The following INTS2 variants were observed in gnomAD, a reference collection of about 807,000 sequenced individuals.
INTS2 encodes integrator complex subunit 2, also known as KIAA1287.
A neutral mutation model predicts 139.6 loss-of-function variants in INTS2; 57 were observed. The ratio of observed to expected loss-of-function variants is 0.41; its 90% CI spans 0.33 to 0.51. The LOEUF is 0.51. INTS2 is among the 20% of genes least tolerant of loss of function. INTS2 has a pLI of 0.28. For missense variants in INTS2, 1,196 were observed against 1,436.7 expected, an observed-to-expected ratio of 0.83 and a Z score of 2.71; for synonymous variants, 473 against 493.4, an observed-to-expected ratio of 0.96 and a Z score of 0.55.
chr17:61,884,212 C>T (rs748433163), intron 16 of INTS2, among the ~76,000 whole-genome samples: 2 of 151,932 alleles, frequency 1.3e-5, no homozygotes, highest in African/African-American at 2.4e-5. Flanking sequence ...CAGGGGAGGC[C>T]GGGCATGGTG....
In INTS2 at chr17:61,904,495, G is replaced by A; in HGVS notation, c.1272C>T (p.Ser424=). 1 of 1,611,706 alleles carries A rather than the reference G, an allele frequency of 6.2e-7. No individual in the cohort carries two copies. The highest frequency in any genetic ancestry group is 8.5e-7 in the Non-Finnish European group (1 of 1,178,324). Residue 424 remains serine, a synonymous_variant, in exon 9 of 25, where the codon TCC becomes TCT. Transcript: ENST00000251334. ...TPAGVRFVSL[S]FCMLLAFSTL... ...TAGAAAAGGCCAGTAGCATACAAAA[G>A]GAAAGTGAAACAAAGCGAACCCCAG...
chr17:61,914,567 G>A (rs986244918), intron 5 of INTS2, among the ~76,000 whole-genome samples: 2 of 152,014 alleles, frequency 1.3e-5, no homozygotes, highest in Non-Finnish European at 2.9e-5. Flanking sequence ...GGGCGTGGTG[G>A]TGGCGGGCGC....
At position 61,926,095 on chromosome 17, in the gene INTS2, C is replaced by A. The variant is rs374113232; in HGVS notation, c.293+257G>T. 5.9e-5 allele frequency among the ~76,000 whole-genome samples: 9 copies of A among 152,200 alleles called. No homozygotes were observed. In the South Asian group the frequency reaches 1.9e-3, roughly 32 times the overall value. On this transcript the variant is annotated intron_variant, in intron 2 of 24. Coordinates refer to ENST00000251334, the MANE Select transcript of INTS2 (RefSeq NM_001351695.2). ...CTCTAATCTAGGGGAAGTTACCCTA[C>A]CTACTTCCCACTGAAAGTAATTGGC...
At chr17:61,915,976 C>A (rs1165273665) in intron 5 of INTS2, among the ~76,000 whole-genome samples, 2 of 151,978 alleles carry the variant, frequency 1.3e-5, no homozygotes, top group Non-Finnish European at 2.9e-5. Flanking sequence ...ACATGATTTT[C>A]CACAAAATTA....
intron 4 of INTS2, among the ~76,000 whole-genome samples, chr17:61,920,302 C>T (rs1182586265): frequency 1.3e-5 from 2 of 151,552 alleles, no homozygotes; most frequent in Middle Eastern, 3.2e-3. Context: ...CTGCCTCAGC[C>T]GCCCGAATAC....
Position 61,927,770 on chromosome 17 carries a change from C to T in INTS2, c.-135G>A, listed in dbSNP as rs568952358. 41 of 1,568,606 alleles carry T rather than the reference C, an allele frequency of 2.6e-5. No individual in the cohort carries two copies. The African/African-American group carries it at 4.3e-4, about 17-fold the overall frequency. ...TTGGGCCTAGGCGATATCCGGAACC[C>T]CAAACCCTAGTTGTGCCTCGAGTCG... is the stretch of plus-strand genomic sequence containing the variant. On this transcript the variant is annotated 5_prime_UTR_variant, in exon 1 of 25. Coordinates refer to ENST00000251334, the MANE Select transcript of INTS2 (RefSeq NM_001351695.2).
intron 3 of INTS2, 54 bp downstream of exon 3, chr17:61,924,907 T>G: frequency 6.4e-7 from 1 of 1,559,350 alleles, no homozygotes. Context: ...TCTACCTCCC[T>G]ATACATAGAC....
chr17:61,894,016 T>A (rs2079322314), intron 12 of INTS2, 117 bp from the exon 13 acceptor site: 6 of 539,974 alleles, frequency 1.1e-5, no homozygotes, highest in Non-Finnish European at 1.8e-5. Flanking sequence ...TAGAAATGAA[T>A]GATGAAAATA....
chr17:61,911,538 A>G lies in INTS2; in HGVS notation c.936T>C (p.Phe312=), dbSNP rs765453174. Residue 312 remains phenylalanine (F), a synonymous_variant, in exon 7 of 25, where the codon TTT becomes TTC. Transcript: ENST00000251334. ...CCCTCACCTGCTGTCCATTTCGGAT[A>G]AAAGTTCCAAACCAAGTCCGGACTT... is the stretch of plus-strand genomic sequence containing the variant. ...NAKVRTWFGT[F]IRNGQQRKRE... is the part of the protein sequence containing the mutation. 2.5e-6 allele frequency: 4 copies of G among 1,613,842 alleles called. No homozygotes were observed. The Admixed American group carries it at 5.0e-5, about 20-fold the overall frequency.
intron 15 of INTS2, among the ~76,000 whole-genome samples, chr17:61,887,727 T>C (rs2079243731): frequency 6.6e-6 from 1 of 152,004 alleles, no homozygotes; most frequent in Non-Finnish European, 1.5e-5. Flanking sequence ...ACAAGAACTG[T>C]ATCAAAGACA....
At chr17:61,890,983 CAAAAAAAAAAAAAA>C (rs753902456) in intron 14 of INTS2, among the ~76,000 whole-genome samples, 44 of 11,342 alleles carry the variant, frequency 3.9e-3, no homozygotes, top group African/African-American at 0.011. Context: ...ACTCCAGTCT[CAAAAAAAAAAAAAA>C]AAAAAAAAAA....
chr17:61,925,143 T>C (rs776332312), intron 2 of INTS2, 44 bp from the exon 3 acceptor site: 9 of 1,518,660 alleles, frequency 5.9e-6, no homozygotes, highest in Non-Finnish European at 5.5e-6. Context: ...AACACTGATA[T>C]GGAAATAATT....
intron 5 of INTS2, among the ~76,000 whole-genome samples, chr17:61,918,685 C>A (rs1192951417): frequency 6.6e-6 from 1 of 152,132 alleles, no homozygotes; most frequent in African/African-American, 2.4e-5. Context: ...TCACTCATAC[C>A]CAAACAACAA....
intron 5 of INTS2, among the ~76,000 whole-genome samples, chr17:61,915,063 G>A (rs563682984): frequency 2.6e-4 from 39 of 152,022 alleles, no homozygotes; most frequent in Admixed American, 1.8e-3. Context: ...AATTAGCCGG[G>A]CGCGGTGGCT....
chr17:61,914,836 T>C (rs1265685960), intron 5 of INTS2, among the ~76,000 whole-genome samples: 1 of 149,250 alleles, frequency 6.7e-6, no homozygotes, highest in Non-Finnish European at 1.5e-5. Flanking sequence ...ACCACACCAC[T>C]GCACTCCAGC....
chr17:61,911,991 G>A lies in INTS2; in HGVS notation c.729C>T (p.Arg243=). Residue 243 remains arginine, a synonymous_variant, in exon 6 of 25, where the codon CGC becomes CGT. Coordinates refer to ENST00000251334, the MANE Select transcript of INTS2 (RefSeq NM_001351695.2). ...GAGAAGGATTCATTTTACACAAGAA[G>A]CGTAAGGCATCTGTCCTGCGCCTTC... ...LGGRRRTDAL[R]FLCKMNPSQA... is the part of the protein sequence containing the mutation. The A allele has an allele frequency of 1.2e-6, 2 of 1,613,800 alleles. No homozygotes were observed. The highest frequency in any genetic ancestry group is 2.2e-5 in the East Asian group (1 of 44,872).
rs1033750753 is a variant in INTS2 at position 61,875,576 on chromosome 17, T to G, written c.2457-538A>C. On this transcript the variant is annotated intron_variant, in intron 18 of 24. Coordinates refer to ENST00000251334, the MANE Select transcript of INTS2 (RefSeq NM_001351695.2). The surrounding 1 kb of genome is among the most constrained non-coding windows in gnomAD (Gnocchi z 4.6). ...GACTGCACATCATAATTACTAAGGGTTATGCAAATACAGAAGGTACTTGAT... is the reference window on the plus strand; with the variant it reads ...GACTGCACATCATAATTACTAAGGGGTATGCAAATACAGAAGGTACTTGAT... 2.0e-5 allele frequency among the ~76,000 whole-genome samples: 3 copies of G among 152,152 alleles called. No homozygotes were observed. The highest frequency in any genetic ancestry group is 6.5e-5 in the Admixed American group (1 of 15,268).
At chr17:61,918,254 T>C (rs545278618) in intron 5 of INTS2, among the ~76,000 whole-genome samples, 114 of 152,336 alleles carry the variant, frequency 7.5e-4, no homozygotes, top group African/African-American at 2.7e-3. Flanking sequence ...GGTTTGTTTG[T>C]TTGTTTAAGA....
chr17:61,922,573 G>T (rs1035250407), intron 3 of INTS2, among the ~76,000 whole-genome samples: 3 of 122,020 alleles, frequency 2.5e-5, no homozygotes, highest in Non-Finnish European at 3.3e-5. Flanking sequence ...TAAACTGTTG[G>T]AAAAACAAAG....
Sources: gnomAD v4.1 joint callset for allele counts (sites outside exome capture counted in the v4.1 genomes callset) on GRCh38, gnomAD v4.1.1 for gene constraint, Gnocchi (gnomAD v3.1) non-coding constraint, MANE v1.5 for transcripts, NCBI Gene and HGNC (gene_info 2026-07-23, HGNC 2026-07-21) for gene names.